The following PTK2B variants were observed in gnomAD, a reference collection of about 807,000 sequenced individuals.
PTK2B encodes the protein protein-tyrosine kinase 2-beta.
PTK2B carries 71 observed loss-of-function variants against 142.9 expected under a neutral mutation model. That is an observed-to-expected ratio of 0.50 (90% CI 0.41 to 0.61). PTK2B has a LOEUF of 0.61. PTK2B is among the 20% of genes least tolerant of loss of function. The pLI, the probability that PTK2B is intolerant of heterozygous loss-of-function variation, is 0.00. For synonymous variants in PTK2B, 519 were observed against 503.4 expected (o/e 1.03, Z -0.42); for missense variants, 1,105 against 1,320.4 (o/e 0.84, Z 2.53).
intron 5 of PTK2B, among the ~76,000 whole-genome samples, chr8:27,425,297 A>G (rs1438405851): frequency 6.6e-6 from 1 of 151,960 alleles, no homozygotes; most frequent in Non-Finnish European, 1.5e-5. Context: ...ATAGTAACGT[A>G]ACAAACCTTG....
At chr8:27,361,031 T>C (rs1805669440) in intron 1 of PTK2B, among the ~76,000 whole-genome samples, 1 of 152,122 alleles carries the variant, frequency 6.6e-6, no homozygotes, top group Non-Finnish European at 1.5e-5. Flanking sequence ...ATACATTGCA[T>C]AGTAGTAAAG....
At chr8:27,454,947 A>G (rs950448863) in intron 30 of PTK2B, among the ~76,000 whole-genome samples, 2 of 152,002 alleles carry the variant, frequency 1.3e-5, no homozygotes, top group African/African-American at 4.8e-5. Flanking sequence ...ATTAACATGG[A>G]TGTGTCATAG....
intron 1 of PTK2B, among the ~76,000 whole-genome samples, chr8:27,384,299 A>T (rs1454292619): frequency 6.6e-6 from 1 of 152,214 alleles, no homozygotes; most frequent in Non-Finnish European, 1.5e-5. Flanking sequence ...CCCAGCCAAG[A>T]TTACTTTTTC....
At chr8:27,338,455 G>T (rs528034542) in intron 1 of PTK2B, among the ~76,000 whole-genome samples, 5 of 152,022 alleles carry the variant, frequency 3.3e-5, no homozygotes, top group African/African-American at 7.2e-5. Flanking sequence ...CTGCTCCAGT[G>T]GTGTGAGTCC....
intron 3 of PTK2B, among the ~76,000 whole-genome samples, chr8:27,319,289 A>T: frequency 6.9e-6 from 1 of 145,922 alleles, no homozygotes; most frequent in Non-Finnish European, 1.5e-5. Flanking sequence ...TTTTTTTTGG[A>T]TGGGGGAGGT....
At chr8:27,317,053 T>C (rs1403893116) in intron 3 of PTK2B, among the ~76,000 whole-genome samples, 2 of 152,196 alleles carry the variant, frequency 1.3e-5, no homozygotes, top group African/African-American at 4.8e-5. Context: ...GCCTATGGCT[T>C]CCTTTTGGTT....
chr8:27,431,472 G>A lies in PTK2B; in HGVS notation c.885G>A (p.Lys295=). The A allele has an allele frequency of 5.6e-6, 9 of 1,614,096 alleles. No homozygotes were observed. The highest frequency in any genetic ancestry group is 7.6e-6 in the Non-Finnish European group (9 of 1,180,034). The change falls in exon 9 of 31, where the codon AAG becomes AAA. Residue 295 remains lysine, a splice_region_variant and synonymous_variant. Coordinates refer to ENST00000346049, the MANE Select transcript of PTK2B (RefSeq NM_173176.3). ...GCCAGCTGACTAGTCAGGACGCAAA[G>A]GTAGAGAGACCCGGGGCAGCCCCAC... ...GIRQLTSQDA[K]PTCLAEFKQI... is the part of the protein sequence containing the mutation.
chr8:27,453,786 AT>A (rs1315848368), intron 28 of PTK2B, among the ~76,000 whole-genome samples: 3 of 152,166 alleles, frequency 2.0e-5, no homozygotes, highest in Non-Finnish European at 4.4e-5. Flanking sequence ...AGGCAGGAGG[AT>A]TGCTTGAGCC....
chr8:27,360,972 G>A (rs1805666327), intron 1 of PTK2B, among the ~76,000 whole-genome samples: 2 of 152,130 alleles, frequency 1.3e-5, no homozygotes, highest in South Asian at 2.1e-4. Context: ...TGTGCTTTTT[G>A]TTGATATGAA....
At chr8:27,413,794 C>T (rs1809212680) in intron 2 of PTK2B, among the ~76,000 whole-genome samples, 1 of 152,210 alleles carries the variant, frequency 6.6e-6, no homozygotes, top group African/African-American at 2.4e-5. Context: ...AGCTTCATCA[C>T]CCATTGATGA....
chr8:27,329,390 G>A (rs1803605422), intron 1 of PTK2B, among the ~76,000 whole-genome samples: 2 of 152,126 alleles, frequency 1.3e-5, no homozygotes, highest in Non-Finnish European at 2.9e-5. Context: ...CCATAGTGAC[G>A]ACAGTAGCTC....
At chr8:27,329,356 C>T (rs1220417404) in intron 1 of PTK2B, among the ~76,000 whole-genome samples, 1 of 152,164 alleles carries the variant, frequency 6.6e-6, no homozygotes, top group African/African-American at 2.4e-5. Context: ...TGGAGAAAGT[C>T]CAAGTCCCTT....
rs764672419 is a variant in PTK2B, at chr8:27,437,794, C to G, written c.1557C>G (p.Asn519Lys). 7 of 1,613,192 alleles carry G rather than the reference C, an allele frequency of 4.3e-6. No homozygotes were observed. In the East Asian group the frequency reaches 1.3e-4, roughly 31 times the overall value. Reference protein sequence around the residue: ...ELGHYLERNKNSLKVLTLVLY... With the variant: ...ELGHYLERNKKSLKVLTLVLY... ...GCCACTACCTGGAGCGGAACAAGAA[C>G]TCCCTGAAGGTGCTCACCCTCGTGC... The change falls in exon 18 of 31, where the codon AAC (asparagine) becomes AAG (lysine). Residue 519 changes from asparagine to lysine, a missense_variant. By Grantham distance (94) the Asn-to-Lys change is moderately conservative (BLOSUM62 0). Transcript: ENST00000346049.
At chr8:27,356,047 A>T (rs544704599) in intron 1 of PTK2B, among the ~76,000 whole-genome samples, 215 of 152,136 alleles carry the variant, frequency 1.4e-3, no homozygotes, top group Non-Finnish European at 2.6e-3. Context: ...TTCCAGTATT[A>T]TCTAGAATAC....
In PTK2B at chr8:27,342,302, C is replaced by G. The variant is rs528094258; in HGVS notation, c.-38+16621C>G. 9.0e-4 allele frequency among the ~76,000 whole-genome samples: 122 copies of G among 135,788 alleles called. 1 individual carries two copies. The highest frequency in any genetic ancestry group is 3.0e-3 in the African/African-American group (111 of 36,416). 89.1% of individuals were successfully genotyped at this position (135,788 alleles called of 152,430 possible). A position where few individuals can be genotyped will look rare whatever the true frequency, so the allele number is the denominator to read the frequency against. On this transcript the variant is annotated intron_variant, in intron 1 of 30. Transcript: ENST00000346049. Reference sequence around the variant, plus strand: ...TTTACTTTGTTCCTTTTTTTTTTTTCTTGAGACAGGGTCTCACTCTCTTGC... The same window carrying G: ...TTTACTTTGTTCCTTTTTTTTTTTTGTTGAGACAGGGTCTCACTCTCTTGC...
chr8:27,368,278 G>C (rs182165846), intron 1 of PTK2B, among the ~76,000 whole-genome samples: 5 of 152,144 alleles, frequency 3.3e-5, no homozygotes, highest in African/African-American at 1.2e-4. Context: ...CTCCTTGACC[G>C]AACCTTAGGC....
intron 1 of PTK2B, among the ~76,000 whole-genome samples, chr8:27,354,813 TTG>T (rs1805303870): frequency 6.6e-6 from 1 of 152,086 alleles, no homozygotes; most frequent in South Asian, 2.1e-4. Context: ...ACCAACCAAT[TTG>T]TGTGTTTGCT....
chr8:27,354,162 G>C (rs1250539197), intron 1 of PTK2B, among the ~76,000 whole-genome samples: 1 of 152,130 alleles, frequency 6.6e-6, no homozygotes, highest in Non-Finnish European at 1.5e-5. Context: ...TGGTGTCTGA[G>C]CTCCCAGCCA....
At chr8:27,407,482 G>A (rs1382344156) in intron 2 of PTK2B, among the ~76,000 whole-genome samples, 1 of 152,170 alleles carries the variant, frequency 6.6e-6, no homozygotes. Context: ...CTCCTTGACT[G>A]CACTTCACCC....
Sources: allele counts gnomAD v4.1 joint callset (sites outside exome capture counted in the v4.1 genomes callset), GRCh38; gene constraint gnomAD v4.1.1; transcripts MANE v1.5; gene names NCBI Gene and HGNC (gene_info 2026-07-23, HGNC 2026-07-21).